AGPAT2: variants seen among roughly 807,000 people sequenced by gnomAD.
The protein encoded by AGPAT2 is 1-acyl-sn-glycerol-3-phosphate acyltransferase beta.
In AGPAT2, 18 loss-of-function variants were observed where a neutral mutation model predicts 26.1. That is an observed-to-expected ratio of 0.69 (90% CI 0.48 to 1.02). AGPAT2 has a LOEUF of 1.02. AGPAT2 is among the 50% of genes least tolerant of loss of function. The pLI is 0.00. For missense variants in AGPAT2, 415 were observed against 394.9 expected (o/e 1.05, Z -0.43); for synonymous variants, 200 against 174.2 (o/e 1.15, Z -1.16).
At chr9:136,675,892 G>T (rs1846084411) in intron 4 of AGPAT2, among the ~76,000 whole-genome samples, 1 of 152,188 alleles carries the variant, frequency 6.6e-6, no homozygotes, top group Non-Finnish European at 1.5e-5. Flanking sequence ...CCTTGCACAG[G>T]GCCAGGCACT....
In AGPAT2 at chr9:136,677,443, T is replaced by C; in HGVS notation, c.296A>G (p.Gln99Arg). 3.1e-6 allele frequency: 5 copies of C among 1,613,164 alleles called. No homozygotes were observed. Among genetic ancestry groups the C allele is most frequent in the Non-Finnish European group, 4.2e-6 (5 of 1,179,924 alleles). Reference sequence around the variant, plus strand: ...CCTACCCATCATGTCCAGGATGCTCTGGTGGTTGGAGACGATGACACAGGG... The same window carrying C: ...CCTACCCATCATGTCCAGGATGCTCCGGTGGTTGGAGACGATGACACAGGG... ...ARPCVIVSNH[Q>R]SILDMMGLME... The change falls in exon 2 of 6, where the codon CAG becomes CGG. Residue 99 changes from glutamine (Q) to arginine (R), a missense_variant. Transcript: ENST00000371696.
Position 136,687,237 on chromosome 9 carries a change from A to C in AGPAT2, c.121T>G (p.Ser41Ala). 1 of 1,594,644 alleles carries C rather than the reference A, an allele frequency of 6.3e-7. No individual in the cohort carries two copies. The highest frequency in any genetic ancestry group is 8.5e-7 in the Non-Finnish European group (1 of 1,174,488). Residue 41 changes from serine (S) to alanine (A), a missense_variant, in exon 1 of 6, where the codon TCC (serine) becomes GCC (alanine). Ser to Ala is a moderately conservative substitution (Grantham distance 99). Coordinates refer to ENST00000371696, the MANE Select transcript of AGPAT2 (RefSeq NM_006412.4). ...ALYCALCFTV[S>A]AVASLVCLLR... ...AGGCAGACGAGCGAGGCCACGGCGG[A>C]CACCGTGAAGCACAGCGCGCAGTAC...
At chr9:136,683,986 T>C (rs2131019925) in intron 1 of AGPAT2, among the ~76,000 whole-genome samples, 1 of 152,304 alleles carries the variant, frequency 6.6e-6, no homozygotes, top group East Asian at 1.9e-4. Context: ...ACGTGCTCCA[T>C]GGGGACAGGA....
intron 4 of AGPAT2, 43 bp from the exon 5 acceptor site, chr9:136,674,850 G>C (rs1287254467): frequency 5.3e-5 from 76 of 1,433,336 alleles, no homozygotes; most frequent in Non-Finnish European, 7.0e-5. Context: ...CCTGGGGACA[G>C]GCCAGGCACA....
intron 3 of AGPAT2, 123 bp downstream of exon 3, chr9:136,676,838 C>G: frequency 7.6e-7 from 1 of 1,322,894 alleles, no homozygotes; most frequent in Non-Finnish European, 1.1e-6. Flanking sequence ...GGGACCCCAC[C>G]TGCGGAGCAT....
intron 1 of AGPAT2, among the ~76,000 whole-genome samples, chr9:136,685,094 T>C (rs1846205934): frequency 6.6e-6 from 1 of 152,170 alleles, no homozygotes; most frequent in Non-Finnish European, 1.5e-5. Flanking sequence ...AAGGTAGCCA[T>C]GGAGCCCCAG....
Position 136,673,861 on chromosome 9 carries a change from G to A in AGPAT2, c.728C>T (p.Ala243Val), listed in dbSNP as rs553740204. The A allele has an allele frequency of 8.1e-6, 13 of 1,604,696 alleles. No homozygotes were observed. Among genetic ancestry groups the A allele is most frequent in the African/African-American group, 5.3e-5 (4 of 74,770 alleles). ...TSGLTAADVP[A>V]LVDTCHRAMR... is the part of the protein sequence containing the mutation. The stretch of plus-strand genomic sequence containing the variant: ...GGCCCGGTGGCAGGTGTCCACGAGC[G>A]CAGGGACGTCCGCCGCAGTGAGGCC... Residue 243 changes from alanine (A) to valine (V), a missense_variant, in exon 6 of 6, where the codon GCG becomes GTG. Coordinates refer to ENST00000371696, the MANE Select transcript of AGPAT2 (RefSeq NM_006412.4).
At position 136,677,408 on chromosome 9, in the gene AGPAT2, C is replaced by T. The variant is rs531012485; in HGVS notation, c.316+15G>A. 386 of 1,613,120 alleles carry T rather than the reference C, an allele frequency of 2.4e-4. 5 individuals carry two copies. The South Asian group carries it at 2.7e-3, about 11-fold the overall frequency. On this transcript the variant is annotated intron_variant, in intron 2 of 5. Transcript: ENST00000371696. ...CCACTCAAACCCCAGAAGCCACCCC[C>T]GAGGCCCGGCCTACCCATCATGTCC...
In AGPAT2 at chr9:136,676,952, C is replaced by A; in HGVS notation, c.492+9G>T. 6.4e-7 allele frequency: 1 copy of A among 1,572,034 alleles called. No homozygotes were observed. The highest frequency in any genetic ancestry group is 8.7e-7 in the Non-Finnish European group (1 of 1,155,054). ...CCCAACCCCACCGAGCCCGGCCCTGCACACTCACGTTCTCCCTGACCATGC... is the reference window on the plus strand; with the variant it reads ...CCCAACCCCACCGAGCCCGGCCCTGAACACTCACGTTCTCCCTGACCATGC... On this transcript the variant is annotated intron_variant, in intron 3 of 5. Transcript: ENST00000371696.
chr9:136,674,039 C>T (rs1028407116), intron 5 of AGPAT2, 112 bp from the exon 6 acceptor site: 16 of 1,084,218 alleles, frequency 1.5e-5, no homozygotes, highest in Admixed American at 1.1e-4. Flanking sequence ...CTGGGAAGCC[C>T]GAGGCCGGGC....
In AGPAT2 at chr9:136,674,713, G is replaced by A. The variant is rs192541793; in HGVS notation, c.661+22C>T. 1,927 of 1,428,508 alleles carry A rather than the reference G, an allele frequency of 1.3e-3. 3 individuals carry two copies. Among genetic ancestry groups the A allele is most frequent in the Non-Finnish European group, 1.6e-3 (1,760 of 1,080,510 alleles). The allele number at this position is 1,428,508 out of a possible 1,614,324, so 88.5% of individuals were successfully genotyped here. A position where few individuals can be genotyped will look rare whatever the true frequency, so the allele number is the denominator to read the frequency against. On this transcript the variant is annotated intron_variant, in intron 5 of 5. Transcript: ENST00000371696. ...TAGGGTCAGGCGGGGCCTACACCCC[G>A]GGTGCACACATGTGGGGGTACCTGA...
chr9:136,674,809 T>C lies in AGPAT2; in HGVS notation c.589-2A>G, dbSNP rs116807569. The C allele has an allele frequency of 7.2e-5, 112 of 1,546,742 alleles. No homozygotes were observed. The African/African-American group carries it at 1.5e-3, about 20-fold the overall frequency. ...GTACACCACGGGGACGATGGGCACC[T>C]GCAGGCAGGGAGACGCACAGCTGAG... On this transcript the variant is annotated splice_acceptor_variant, in intron 4 of 5. Coordinates refer to ENST00000371696, the MANE Select transcript of AGPAT2 (RefSeq NM_006412.4). LOFTEE classifies it high-confidence loss of function.
chr9:136,683,788 G>T (rs112918998), intron 1 of AGPAT2, among the ~76,000 whole-genome samples: 15 of 152,176 alleles, frequency 9.9e-5, no homozygotes, highest in Non-Finnish European at 1.9e-4. Flanking sequence ...GGAGGACCAA[G>T]GTCACGGTCT....
intron 1 of AGPAT2, among the ~76,000 whole-genome samples, chr9:136,681,820 T>C (rs745672289): frequency 2.0e-5 from 3 of 151,998 alleles, no homozygotes; most frequent in African/African-American, 4.8e-5. Flanking sequence ...AAAAAAAGTG[T>C]TTCCTCAGAG....
chr9:136,677,588 C>T, intron 1 of AGPAT2, 32 bp from the exon 2 acceptor site: 1 of 1,612,522 alleles, frequency 6.2e-7, no homozygotes, highest in Non-Finnish European at 8.5e-7. Context: ...ACACGGGTCC[C>T]ACAGATCCCG....
At chr9:136,684,303 GC>G (rs958640523) in intron 1 of AGPAT2, among the ~76,000 whole-genome samples, 1 of 152,216 alleles carries the variant, frequency 6.6e-6, no homozygotes, top group Non-Finnish European at 1.5e-5. Context: ...TCTGGGCTTT[GC>G]TTTCCTCTGT....
At chr9:136,683,643 C>T (rs895758828) in intron 1 of AGPAT2, among the ~76,000 whole-genome samples, 1 of 152,192 alleles carries the variant, frequency 6.6e-6, no homozygotes, top group African/African-American at 2.4e-5. Flanking sequence ...GGGGGGTCCC[C>T]GTGACTCCTC....
At chr9:136,680,905 T>C (rs2119193083) in intron 1 of AGPAT2, among the ~76,000 whole-genome samples, 1 of 152,014 alleles carries the variant, frequency 6.6e-6, no homozygotes, top group South Asian at 2.1e-4. Context: ...GACCTCATGA[T>C]CCGCCCGCCT....
At chr9:136,680,367 C>T (rs1466891877) in intron 1 of AGPAT2, among the ~76,000 whole-genome samples, 1 of 152,156 alleles carries the variant, frequency 6.6e-6, no homozygotes, top group Admixed American at 6.5e-5. Flanking sequence ...GCTGGGATTA[C>T]AGGTGCCTGC....
Sources: allele counts gnomAD v4.1 joint callset (sites outside exome capture counted in the v4.1 genomes callset), GRCh38; gene constraint gnomAD v4.1.1; transcripts MANE v1.5; gene names NCBI Gene and HGNC (gene_info 2026-07-23, HGNC 2026-07-21).